Variants in VPS37A observed in about 807,000 individuals in gnomAD.
VPS37A encodes VPS37A subunit of ESCRT-I.
In VPS37A, 30 loss-of-function variants were observed where a neutral mutation model predicts 49.8. That is an observed-to-expected ratio of 0.60 (90% CI 0.45 to 0.82). The LOEUF is 0.82. Among genes scored for constraint, VPS37A ranks in the 40% least tolerant of loss-of-function variants. The pLI is 0.00. For missense variants in VPS37A, 593 were observed against 464.4 expected (o/e 1.28, Z -2.55); for synonymous variants, 195 against 160.6 (o/e 1.21, Z -1.62).
chr8:17,247,470 C>T, intron 1 of VPS37A, 101 bp downstream of exon 1: 2 of 1,456,778 alleles, frequency 1.4e-6, no homozygotes, highest in South Asian at 2.6e-5. Flanking sequence ...CCACCAGCTC[C>T]TCATGTGGTT....
intron 9 of VPS37A, among the ~76,000 whole-genome samples, chr8:17,283,880 G>A (rs1381305380): frequency 6.6e-6 from 1 of 152,174 alleles, no homozygotes; most frequent in Non-Finnish European, 1.5e-5. Context: ...TTGAGATTTT[G>A]ATAGGGATTG....
chr8:17,268,176 A>T (rs1585982626), intron 2 of VPS37A, 82 bp from the exon 3 acceptor site: 2 of 939,042 alleles, frequency 2.1e-6, no homozygotes, highest in East Asian at 4.9e-5. Flanking sequence ...TTACTTTTAA[A>T]TAGCTTTGTT....
chr8:17,277,233 A>G (rs1814596958), intron 6 of VPS37A, among the ~76,000 whole-genome samples: 2 of 152,136 alleles, frequency 1.3e-5, no homozygotes, highest in African/African-American at 2.4e-5. Flanking sequence ...AGTCATTTTA[A>G]GGAAATAGTG....
chr8:17,295,507 C>CCATCT lies in VPS37A; in HGVS notation c.*524_*528dup. ...AGGAAACACCAAACCTGCCTATGTG[C>CCATCT]CATCTCACAAAAGAAACTTTTAATA... is the stretch of plus-strand genomic sequence containing the variant. On this transcript the variant is annotated 3_prime_UTR_variant, in exon 12 of 12. Transcript: ENST00000324849. 1 of 152,576 alleles carries CCATCT rather than the reference C, an allele frequency of 6.6e-6. No homozygotes were observed. The highest frequency in any genetic ancestry group is 1.5e-5 in the Non-Finnish European group (1 of 67,986). The allele number at this position is 152,576 out of a possible 1,614,324, so 9.5% of individuals were successfully genotyped here.
intron 1 of VPS37A, among the ~76,000 whole-genome samples, chr8:17,260,883 C>G (rs1294721968): frequency 6.6e-6 from 1 of 152,118 alleles, no homozygotes; most frequent in Non-Finnish European, 1.5e-5. Context: ...TTTCCTCTTG[C>G]TGATTTTAGG....
rs182893755 is a variant in VPS37A, at chr8:17,258,876, A to G, written c.126-7031A>G. ...GTCCGGCAATTTGTTCCTTTCTTTT[A>G]GGCTTTCCAGTTTTTTAGCATATAA... On this transcript the variant is annotated intron_variant, in intron 1 of 11. Transcript: ENST00000324849. Among the ~76,000 whole-genome samples, 6 of 152,074 alleles carry G rather than the reference A, an allele frequency of 3.9e-5. No homozygotes were observed. The East Asian group carries it at 7.7e-4, about 20-fold the overall frequency.
chr8:17,263,296 G>C (rs532972969), intron 1 of VPS37A, among the ~76,000 whole-genome samples: 1 of 152,120 alleles, frequency 6.6e-6, no homozygotes, highest in East Asian at 1.9e-4. Context: ...TTTTTTAAAA[G>C]TATTAAAATA....
intron 11 of VPS37A, among the ~76,000 whole-genome samples, chr8:17,293,343 T>G (rs897628042): frequency 6.6e-6 from 1 of 152,064 alleles, no homozygotes; most frequent in Non-Finnish European, 1.5e-5. Context: ...CTGATTATTC[T>G]AGTTAGCAAT....
chr8:17,276,613 T>A (rs1489953077), intron 6 of VPS37A, 146 bp downstream of exon 6: 2 of 777,842 alleles, frequency 2.6e-6, no homozygotes, highest in East Asian at 2.8e-5. Flanking sequence ...GATTTAAAAA[T>A]CAGTTTTAGG....
the VPS37A span, among the ~76,000 whole-genome samples, chr8:17,324,881 G>A: frequency 1.3e-5 from 2 of 152,168 alleles, no homozygotes; most frequent in African/African-American, 4.8e-5. Flanking sequence ...GTTAAAAACT[G>A]AGACTACAGA....
intron 1 of VPS37A, among the ~76,000 whole-genome samples, chr8:17,258,619 GGGT>G (rs1327007030): frequency 6.6e-6 from 1 of 151,762 alleles, no homozygotes; most frequent in Non-Finnish European, 1.5e-5. Flanking sequence ...TTGTTTCTAT[GGGT>G]GATGCTGATC....
At chr8:17,262,005 G>C (rs1813004701) in intron 1 of VPS37A, among the ~76,000 whole-genome samples, 1 of 152,096 alleles carries the variant, frequency 6.6e-6, no homozygotes, top group Non-Finnish European at 1.5e-5. Flanking sequence ...TCCTGCCAGG[G>C]AACCAAAAAT....
intron 1 of VPS37A, among the ~76,000 whole-genome samples, chr8:17,260,654 C>T (rs568067522): frequency 3.0e-4 from 45 of 152,106 alleles, no homozygotes; most frequent in Non-Finnish European, 6.5e-4. Context: ...GGGGTGAATT[C>T]TCCATGCTTT....
At chr8:17,298,501 C>T (rs994605754), downstream of VPS37A, 2 of 152,388 alleles carry the variant, frequency 1.3e-5, no homozygotes, top group African/African-American at 4.8e-5. Context: ...ATGTTGCTTT[C>T]TTGCCCTCGT....
chr8:17,325,054 G>A, the VPS37A span, among the ~76,000 whole-genome samples: 1 of 152,192 alleles, frequency 6.6e-6, no homozygotes, highest in East Asian at 1.9e-4. Flanking sequence ...TTTCCTCAAG[G>A]TTGAATTAGC....
At chr8:17,312,345 CG>C in the VPS37A span, among the ~76,000 whole-genome samples, 1 of 152,020 alleles carries the variant, frequency 6.6e-6, no homozygotes, top group African/African-American at 2.4e-5. Flanking sequence ...GAGGCCGTGG[CG>C]GGTGGATCAC....
At chr8:17,247,900 C>T (rs1164122585) in intron 1 of VPS37A, 1 of 635,018 alleles carries the variant, frequency 1.6e-6, no homozygotes, top group African/African-American at 1.8e-5. Flanking sequence ...TAAGATTTAC[C>T]CTGTTGGAGC....
At chr8:17,291,292 T>A (rs998633913) in intron 11 of VPS37A, among the ~76,000 whole-genome samples, 2 of 152,180 alleles carry the variant, frequency 1.3e-5, no homozygotes, top group Admixed American at 1.3e-4. Context: ...GGATTACAGG[T>A]GTGAGCCACC....
intron 4 of VPS37A, among the ~76,000 whole-genome samples, chr8:17,272,329 C>A (rs1814072853): frequency 6.6e-6 from 1 of 152,136 alleles, no homozygotes; most frequent in African/African-American, 2.4e-5. Context: ...TCAGCCCTCT[C>A]CCCCTCATCT....
Sources: allele counts gnomAD v4.1 joint callset (sites outside exome capture counted in the v4.1 genomes callset), GRCh38; gene constraint gnomAD v4.1.1; transcripts MANE v1.5; gene names NCBI Gene and HGNC (gene_info 2026-07-23, HGNC 2026-07-21).